Variants in CAMK4 observed in about 807,000 individuals in gnomAD.
CAMK4 encodes calcium/calmodulin-dependent protein kinase type IV.
Under a neutral mutation model 44.9 loss-of-function variants are expected in CAMK4, and 22 were observed. The ratio of observed to expected loss-of-function variants is 0.49; its 90% confidence interval spans 0.35 to 0.70. The LOEUF is 0.70. Among genes scored for constraint, CAMK4 ranks in the 30% least tolerant of loss-of-function variants. The pLI is 0.01. For synonymous variants in CAMK4, 218 were observed against 215.4 expected, an observed-to-expected ratio of 1.01 and a Z score of -0.11; for missense variants, 498 against 586.8, an observed-to-expected ratio of 0.85 and a Z score of 1.56.
chr5:111,263,661 AG>A (rs1750098562), intron 1 of CAMK4, among the ~76,000 whole-genome samples: 1 of 152,190 alleles, frequency 6.6e-6, no homozygotes, highest in Non-Finnish European at 1.5e-5. Context: ...AATGTAAACC[AG>A]TCCAAATTGT....
chr5:111,250,591 A>T (rs916439613), intron 1 of CAMK4, among the ~76,000 whole-genome samples: 1 of 152,148 alleles, frequency 6.6e-6, no homozygotes, highest in Non-Finnish European at 1.5e-5. Flanking sequence ...CCTTCTTAGA[A>T]TGTCTTCATC....
chr5:111,241,904 T>C (rs1388536331), intron 1 of CAMK4, among the ~76,000 whole-genome samples: 1 of 152,206 alleles, frequency 6.6e-6, no homozygotes, highest in Non-Finnish European at 1.5e-5. Flanking sequence ...AAGTCAGGTC[T>C]GTTTCATCTT....
At chr5:111,252,501 T>C (rs1384626212) in intron 1 of CAMK4, among the ~76,000 whole-genome samples, 1 of 152,180 alleles carries the variant, frequency 6.6e-6, no homozygotes, top group African/African-American at 2.4e-5. Flanking sequence ...TTAAACATAC[T>C]TTTGGGGAAC....
chr5:111,297,488 G>C (rs774439141), intron 1 of CAMK4, among the ~76,000 whole-genome samples: 2 of 152,158 alleles, frequency 1.3e-5, no homozygotes, highest in Non-Finnish European at 2.9e-5. Flanking sequence ...AGAGCTTGAG[G>C]CAAAAGAGAA....
intron 1 of CAMK4, among the ~76,000 whole-genome samples, chr5:111,267,380 C>T (rs1326366589): frequency 6.6e-6 from 1 of 152,010 alleles, no homozygotes; most frequent in East Asian, 1.9e-4. Flanking sequence ...GTTTTTGTTT[C>T]ATTTCTTGTG....
At chr5:111,470,984 T>C (rs1410935326) in intron 7 of CAMK4, among the ~76,000 whole-genome samples, 1 of 152,236 alleles carries the variant, frequency 6.6e-6, no homozygotes, top group Non-Finnish European at 1.5e-5. Context: ...CACTTGCTCT[T>C]TACCAATCTG....
chr5:111,413,300 C>T (rs1034119578), intron 5 of CAMK4, among the ~76,000 whole-genome samples: 17 of 152,132 alleles, frequency 1.1e-4, no homozygotes, highest in African/African-American at 2.9e-4. Flanking sequence ...TGGAGCTGCC[C>T]GGGTGCAGTG....
At chr5:111,236,883 T>A (rs1382167404) in intron 1 of CAMK4, among the ~76,000 whole-genome samples, 2 of 152,216 alleles carry the variant, frequency 1.3e-5, no homozygotes, top group African/African-American at 4.8e-5. Flanking sequence ...TCCCCTTAAG[T>A]GTTTCTGGAA....
intron 2 of CAMK4, among the ~76,000 whole-genome samples, chr5:111,366,305 G>A (rs1194470678): frequency 1.3e-5 from 2 of 152,136 alleles, no homozygotes; most frequent in Non-Finnish European, 2.9e-5. Context: ...AGCATTTTCT[G>A]TGGAAATGCT....
chr5:111,367,246 G>A (rs1246470674), intron 2 of CAMK4, among the ~76,000 whole-genome samples: 1 of 151,368 alleles, frequency 6.6e-6, no homozygotes, highest in Non-Finnish European at 1.5e-5. Flanking sequence ...GCAAGTGCTT[G>A]TGTCACAGAG....
chr5:111,362,554 G>A (rs769575658), intron 2 of CAMK4, among the ~76,000 whole-genome samples: 3 of 151,842 alleles, frequency 2.0e-5, no homozygotes, highest in Non-Finnish European at 4.4e-5. Flanking sequence ...TTACAATGGT[G>A]GATATATTCC....
At chr5:111,388,069 G>T (rs1485726950) in intron 4 of CAMK4, among the ~76,000 whole-genome samples, 1 of 152,118 alleles carries the variant, frequency 6.6e-6, no homozygotes, top group Non-Finnish European at 1.5e-5. Context: ...CTAACCCTGT[G>T]ACAATCTGTT....
chr5:111,231,164 A>G (rs1200896378), intron 1 of CAMK4, among the ~76,000 whole-genome samples: 1 of 152,208 alleles, frequency 6.6e-6, no homozygotes, highest in African/African-American at 2.4e-5. Context: ...ACCCTTCAAT[A>G]CAGTTTGTCA....
At chr5:111,458,403 C>G (rs1185308037) in intron 7 of CAMK4, among the ~76,000 whole-genome samples, 5 of 152,124 alleles carry the variant, frequency 3.3e-5, no homozygotes, top group African/African-American at 1.2e-4. Flanking sequence ...TCGTACTGCC[C>G]TGAACAAAGC....
At chr5:111,460,550 A>G (rs889441734) in intron 7 of CAMK4, among the ~76,000 whole-genome samples, 4 of 152,066 alleles carry the variant, frequency 2.6e-5, no homozygotes, top group African/African-American at 7.2e-5. Context: ...TTAACACGAG[A>G]CACTTTAAAT....
Position 111,224,743 on chromosome 5 carries a change from C to T in CAMK4, c.161+99C>T, listed in dbSNP as rs1324992890. 8.7e-7 allele frequency: 1 copy of T among 1,153,538 alleles called. No homozygotes were observed. Among genetic ancestry groups the T allele is most frequent in the Non-Finnish European group, 1.2e-6 (1 of 820,898 alleles). 71.5% of individuals were successfully genotyped at this position (1,153,538 alleles called of 1,614,324 possible). A position where few individuals can be genotyped will look rare whatever the true frequency, so the allele number is the denominator to read the frequency against. ...AGGGTGCGGGAGCCTGCCTTCGTGCCCTTCGATTTCTCCCTACCTAGTTAG... is the reference window on the plus strand; with the variant it reads ...AGGGTGCGGGAGCCTGCCTTCGTGCTCTTCGATTTCTCCCTACCTAGTTAG... On this transcript the variant is annotated intron_variant, in intron 1 of 10. Transcript: ENST00000282356. The surrounding 1 kb of genome is among the most constrained non-coding windows in gnomAD (Gnocchi z 5.7).
chr5:111,300,377 C>T (rs140172532), intron 1 of CAMK4, among the ~76,000 whole-genome samples: 3 of 152,144 alleles, frequency 2.0e-5, no homozygotes, highest in Non-Finnish European at 2.9e-5. Context: ...GCCTCTTCCT[C>T]TAGTTGTTCA....
In CAMK4 at chr5:111,374,876, G is replaced by C. The variant is rs771255670; in HGVS notation, c.267G>C (p.Glu89Asp). 8 of 1,611,724 alleles carry C rather than the reference G, an allele frequency of 5.0e-6. No homozygotes were observed. The highest frequency in any genetic ancestry group is 6.8e-6 in the Non-Finnish European group (8 of 1,178,292). The change falls in exon 3 of 11, where the codon GAG becomes GAC. Residue 89 changes from glutamate to aspartate, a missense_variant. This residue lies in a region of CAMK4 where 152 missense variants were observed against 143.7 expected (regional missense o/e 1.06). Coordinates refer to ENST00000282356, the MANE Select transcript of CAMK4 (RefSeq NM_001744.6). Reference sequence around the variant, plus strand: ...TGGACAAAAAAATCGTAAGAACTGAGATAGGAGTTCTTCTTCGCCTCTCAC... The same window carrying C: ...TGGACAAAAAAATCGTAAGAACTGACATAGGAGTTCTTCTTCGCCTCTCAC... ...KTVDKKIVRT[E>D]IGVLLRLSHP... is the part of the protein sequence containing the mutation.
intron 5 of CAMK4, among the ~76,000 whole-genome samples, chr5:111,430,884 A>C (rs1431627332): frequency 6.6e-6 from 1 of 152,190 alleles, no homozygotes; most frequent in Non-Finnish European, 1.5e-5. Context: ...TACCCAAGGC[A>C]ATCTACAGAT....
Sources: gnomAD v4.1 joint callset for allele counts (sites outside exome capture counted in the v4.1 genomes callset) on GRCh38, gnomAD v4.1.1 for gene constraint, gnomAD v4.1.1 regional missense constraint, Gnocchi (gnomAD v3.1) non-coding constraint, MANE v1.5 for transcripts, NCBI Gene and HGNC (gene_info 2026-07-23, HGNC 2026-07-21) for gene names.